Variants in VRK2 observed in about 807,000 individuals in gnomAD.
VRK2 encodes the protein VRK serine/threonine kinase 2, also known as serine/threonine-protein kinase VRK2.
A neutral mutation model predicts 57.6 loss-of-function variants in VRK2; 60 were observed. The observed-to-expected ratio is 1.04, with a 90% confidence interval of 0.85 to 1.29. VRK2 has a LOEUF of 1.29. Ranked by LOEUF, VRK2 falls within the 50% of genes most tolerant of loss-of-function variation. VRK2 has a pLI of 0.00. For synonymous variants in VRK2, 231 were observed against 199.2 expected (o/e 1.16, Z -1.35); for missense variants, 705 against 588.1 (o/e 1.20, Z -2.06).
chr2:58,046,125 G>A (rs1674725627), upstream of VRK2, among the ~76,000 whole-genome samples: 1 of 152,168 alleles, frequency 6.6e-6, no homozygotes, highest in Non-Finnish European at 1.5e-5. Context: ...GAGTACAGGC[G>A]TGAGCCACCG....
chr2:58,112,045 G>T (rs1264352775), intron 7 of VRK2, among the ~76,000 whole-genome samples: 3 of 152,094 alleles, frequency 2.0e-5, no homozygotes, highest in Non-Finnish European at 4.4e-5. Context: ...TATAGATTTA[G>T]TTCTGCACAA....
At chr2:57,975,933 G>T (rs558679838) in intron 1 of VRK2, among the ~76,000 whole-genome samples, 1 of 151,742 alleles carries the variant, frequency 6.6e-6, no homozygotes, top group South Asian at 2.1e-4. Context: ...TCCACCTTCA[G>T]GTAGACTCCA....
chr2:58,005,456 A>G (rs1364594707), intron 1 of VRK2, among the ~76,000 whole-genome samples: 1 of 152,084 alleles, frequency 6.6e-6, no homozygotes, highest in Admixed American at 6.6e-5. Context: ...CTAAATATTG[A>G]TATTTTTATA....
Position 58,051,352 on chromosome 2 carries a change from A to ACACAC in VRK2, c.136+2385_136+2386insCACAC, listed in dbSNP as rs750332825. On this transcript the variant is annotated intron_variant, in intron 2 of 12. Coordinates refer to ENST00000340157, the MANE Select transcript of VRK2 (RefSeq NM_006296.7). The stretch of plus-strand genomic sequence containing the variant: ...AAGGCTCCAGTACTTCAGAATTTAT[A>ACACAC]ATAAAGATGTGTGTTCCAAATGTTG... Among the ~76,000 whole-genome samples the ACACAC allele has an allele frequency of 4.2e-3, 645 of 152,290 alleles. 2 individuals carry two copies. Among genetic ancestry groups the ACACAC allele is most frequent in the Non-Finnish European group, 7.0e-3 (476 of 68,014 alleles).
At chr2:57,952,123 G>GAGAGAT (rs112010244) in intron 1 of VRK2, among the ~76,000 whole-genome samples, 8 of 151,646 alleles carry the variant, frequency 5.3e-5, no homozygotes, top group Non-Finnish European at 1.0e-4. Flanking sequence ...TATAGAGAGA[G>GAGAGAT]AGAGATAGAG....
intron 1 of VRK2, 94 bp from the exon 2 acceptor site, chr2:58,048,733 G>C: frequency 6.6e-7 from 1 of 1,520,492 alleles, no homozygotes; most frequent in Non-Finnish European, 8.8e-7. Context: ...ACCTGGGAAA[G>C]TTCCCTATTG....
At chr2:58,157,198 A>G (rs953699176) in intron 12 of VRK2, among the ~76,000 whole-genome samples, 1 of 152,152 alleles carries the variant, frequency 6.6e-6, no homozygotes, top group Non-Finnish European at 1.5e-5. Context: ...GGGTTTTCAC[A>G]GCAGAAGGGG....
chr2:58,089,920 G>A lies in VRK2; in HGVS notation c.543+197G>A, dbSNP rs562394090. Reference sequence around the variant, plus strand: ...TTAGGATGAGAAACTGAGAGTCAGAGGGGTTAAATAATATGTTAATGGGCA... The same window carrying A: ...TTAGGATGAGAAACTGAGAGTCAGAAGGGTTAAATAATATGTTAATGGGCA... On this transcript the variant is annotated intron_variant, in intron 7 of 12. Coordinates refer to ENST00000340157, the MANE Select transcript of VRK2 (RefSeq NM_006296.7). Among the ~76,000 whole-genome samples, 9 of 152,286 alleles carry A rather than the reference G, an allele frequency of 5.9e-5. No individual in the cohort carries two copies. In the South Asian group the frequency reaches 1.9e-3, roughly 32 times the overall value.
intron 3 of VRK2, among the ~76,000 whole-genome samples, chr2:58,084,381 A>C: frequency 6.6e-6 from 1 of 150,756 alleles, no homozygotes; most frequent in Admixed American, 6.6e-5. Flanking sequence ...ATGCCCTCCC[A>C]CCCTCTCCAC....
chr2:58,048,268 G>A (rs1221671064), intron 1 of VRK2, among the ~76,000 whole-genome samples: 1 of 152,098 alleles, frequency 6.6e-6, no homozygotes, highest in African/African-American at 2.4e-5. Context: ...GAGAACTGAT[G>A]GCCTAGTATT....
At chr2:57,939,150 T>C (rs1220187257) in intron 1 of VRK2, among the ~76,000 whole-genome samples, 1 of 152,230 alleles carries the variant, frequency 6.6e-6, no homozygotes, top group Non-Finnish European at 1.5e-5. Flanking sequence ...GAGCCAGTTC[T>C]CTTAGTTTCA....
chr2:57,936,693 T>A (rs1045941196), intron 1 of VRK2, among the ~76,000 whole-genome samples: 1 of 152,108 alleles, frequency 6.6e-6, no homozygotes, highest in African/African-American at 2.4e-5. Context: ...TAGTAGAATA[T>A]GATGTATTTT....
rs933388353 is a variant in VRK2, at chr2:58,085,340, G to A, written c.256+390G>A. Among the ~76,000 whole-genome samples, 8 of 151,844 alleles carry A rather than the reference G, an allele frequency of 5.3e-5. No individual in the cohort carries two copies. In the East Asian group the frequency reaches 1.5e-3, roughly 29 times the overall value. On this transcript the variant is annotated intron_variant, in intron 4 of 12. Transcript: ENST00000340157. ...GTAGATATATGTATAAAAAAAGAAC[G>A]ATTGTAGAATGGATTGGGGCAAGGT...
At chr2:58,054,327 T>C (rs1433019311) in intron 2 of VRK2, among the ~76,000 whole-genome samples, 1 of 152,060 alleles carries the variant, frequency 6.6e-6, no homozygotes, top group East Asian at 1.9e-4. Context: ...CTTCAGTGCA[T>C]TTATATATTA....
chr2:57,984,040 A>G (rs1672515397), intron 1 of VRK2, among the ~76,000 whole-genome samples: 1 of 152,176 alleles, frequency 6.6e-6, no homozygotes, highest in African/African-American at 2.4e-5. Context: ...CCAGGAGCTC[A>G]CAAACTTTTT....
intron 2 of VRK2, among the ~76,000 whole-genome samples, chr2:58,030,120 G>C (rs1417180645): frequency 1.3e-5 from 2 of 152,076 alleles, no homozygotes; most frequent in Non-Finnish European, 2.9e-5. Flanking sequence ...AGCCGTTGCT[G>C]TATTTTAGAT....
At chr2:57,973,052 T>C (rs1672143699) in intron 1 of VRK2, among the ~76,000 whole-genome samples, 1 of 152,034 alleles carries the variant, frequency 6.6e-6, no homozygotes, top group South Asian at 2.1e-4. Context: ...ATTAGTTTTC[T>C]GGGTCAAAGT....
At chr2:58,121,269 G>T (rs1025617213) in intron 7 of VRK2, among the ~76,000 whole-genome samples, 9 of 152,100 alleles carry the variant, frequency 5.9e-5, no homozygotes. Flanking sequence ...ACATAAAACA[G>T]CTTCTTGATA....
At chr2:58,041,274 G>A (rs923546518) in intron 3 of VRK2, among the ~76,000 whole-genome samples, 24 of 152,024 alleles carry the variant, frequency 1.6e-4, no homozygotes, top group African/African-American at 5.6e-4. Flanking sequence ...AAATTAATAT[G>A]CTTAAAAATT....
Sources: gnomAD v4.1 joint callset for allele counts (sites outside exome capture counted in the v4.1 genomes callset) on GRCh38, gnomAD v4.1.1 for gene constraint, MANE v1.5 for transcripts, NCBI Gene and HGNC (gene_info 2026-07-23, HGNC 2026-07-21) for gene names.